The following FAM163A variants were observed in gnomAD, a reference collection of about 807,000 sequenced individuals.
The protein encoded by FAM163A is family with sequence similarity 163 member A.
FAM163A carries 7 observed loss-of-function variants against 12.0 expected under a neutral mutation model. The observed-to-expected ratio is 0.58, with a 90% CI of 0.33 to 1.10. The LOEUF (loss-of-function observed/expected upper bound fraction) is 1.10. Among genes scored for constraint, FAM163A ranks in the 50% least tolerant of loss-of-function variants. FAM163A has a pLI of 0.03. For synonymous variants in FAM163A, 101 were observed against 91.0 expected, an observed-to-expected ratio of 1.11 and a Z score of -0.62; for missense variants, 202 against 218.6, an observed-to-expected ratio of 0.92 and a Z score of 0.48.
chr1:179,813,112 G>A lies in FAM163A; in HGVS notation c.15G>A (p.Thr5=). Residue 5 remains threonine (T), a synonymous_variant, in exon 4 of 5, where the codon ACG becomes ACA. Transcript: ENST00000341785. ...GCGCCGGGCGGATGACAGCGGGAAC[G>A]GTTGTGATCACTGGCGGAATCCTAG... is the stretch of plus-strand genomic sequence containing the variant. The part of the protein sequence containing the change: MTAG[T]VVITGGILAT... 1.3e-6 allele frequency: 2 copies of A among 1,551,854 alleles called. No homozygotes were observed. The highest frequency in any genetic ancestry group is 1.7e-6 in the Non-Finnish European group (2 of 1,147,048).
chr1:179,760,800 A>G (rs1686710239), intron 1 of FAM163A, among the ~76,000 whole-genome samples: 1 of 152,202 alleles, frequency 6.6e-6, no homozygotes, highest in South Asian at 2.1e-4. Flanking sequence ...TAAAGTCTAC[A>G]ACTGCTTAAG....
At chr1:179,787,191 T>C (rs1187207489) in intron 1 of FAM163A, among the ~76,000 whole-genome samples, 1 of 152,204 alleles carries the variant, frequency 6.6e-6, no homozygotes, top group Non-Finnish European at 1.5e-5. Context: ...CTAAGCAATC[T>C]CTTTAGCCCG....
intron 1 of FAM163A, among the ~76,000 whole-genome samples, chr1:179,749,369 AATAATGGTGGCT>A (rs964828186): frequency 6.6e-6 from 1 of 152,216 alleles, no homozygotes; most frequent in African/African-American, 2.4e-5. Flanking sequence ...GTGCTCAATA[AATAATGGTGGCT>A]ATAATGAATA....
the FAM163A span, among the ~76,000 whole-genome samples, chr1:179,736,051 G>T: frequency 6.6e-6 from 1 of 152,156 alleles, no homozygotes; most frequent in Non-Finnish European, 1.5e-5. Context: ...AAAGGCTGAA[G>T]TGTAAGACCT....
At chr1:179,759,732 T>A (rs35482473) in intron 1 of FAM163A, among the ~76,000 whole-genome samples, 68,712 of 151,582 alleles carry the variant, frequency 0.45, 15,684 homozygotes, top group East Asian at 0.65. Flanking sequence ...GGCGGCACAA[T>A]GTTGTCTCAC....
At chr1:179,755,590 A>G (rs1324227208) in intron 1 of FAM163A, among the ~76,000 whole-genome samples, 1 of 152,176 alleles carries the variant, frequency 6.6e-6, no homozygotes, top group Non-Finnish European at 1.5e-5. Context: ...ACAGGCCTCA[A>G]AGGAATGAGG....
intron 1 of FAM163A, among the ~76,000 whole-genome samples, chr1:179,774,061 C>T (rs1170894743): frequency 6.6e-6 from 1 of 152,180 alleles, no homozygotes; most frequent in East Asian, 1.9e-4. Flanking sequence ...CATCTTTGTC[C>T]ATGTTCTGGA....
At chr1:179,754,272 A>G (rs1052421331) in intron 1 of FAM163A, among the ~76,000 whole-genome samples, 1 of 152,082 alleles carries the variant, frequency 6.6e-6, no homozygotes, top group Non-Finnish European at 1.5e-5. Flanking sequence ...GAAGAGGTTT[A>G]AGTAATTTAA....
At chr1:179,744,256 C>T (rs1460984248) in intron 1 of FAM163A, among the ~76,000 whole-genome samples, 1 of 152,122 alleles carries the variant, frequency 6.6e-6, no homozygotes, top group Admixed American at 6.5e-5. Context: ...CGACCGCACT[C>T]CGATTCCAGA....
At chr1:179,803,548 GC>G (rs1200134438) in intron 1 of FAM163A, among the ~76,000 whole-genome samples, 1 of 152,078 alleles carries the variant, frequency 6.6e-6, no homozygotes, top group Admixed American at 6.6e-5. Flanking sequence ...TAGACAAATG[GC>G]CTTTAAGGCC....
intron 1 of FAM163A, among the ~76,000 whole-genome samples, chr1:179,747,742 A>C: frequency 6.6e-6 from 1 of 152,236 alleles, no homozygotes; most frequent in African/African-American, 2.4e-5. Flanking sequence ...GTTTTGGGTT[A>C]TAACAGTATG....
chr1:179,728,609 G>A, the FAM163A span, among the ~76,000 whole-genome samples: 1 of 152,162 alleles, frequency 6.6e-6, no homozygotes, highest in South Asian at 2.1e-4. Flanking sequence ...ATCTCCCTGT[G>A]ATAATTTGGG....
chr1:179,756,774 C>T (rs1010629569), intron 1 of FAM163A, among the ~76,000 whole-genome samples: 2 of 151,982 alleles, frequency 1.3e-5, no homozygotes, highest in East Asian at 3.8e-4. Flanking sequence ...AGGGAGGGAA[C>T]AGGAAGTAAG....
intron 1 of FAM163A, among the ~76,000 whole-genome samples, chr1:179,766,764 T>TG (rs1687557646): frequency 6.6e-6 from 1 of 151,672 alleles, no homozygotes; most frequent in African/African-American, 2.4e-5. Context: ...TTTTTTTTTT[T>TG]TCGGTTTGGA....
At chr1:179,771,179 CAAGG>C (rs1688228114) in intron 1 of FAM163A, among the ~76,000 whole-genome samples, 1 of 152,154 alleles carries the variant, frequency 6.6e-6, no homozygotes, top group South Asian at 2.1e-4. Flanking sequence ...CCCCCATTGT[CAAGG>C]GAGCTGCCCA....
chr1:179,773,398 A>G (rs1688524818), intron 1 of FAM163A, among the ~76,000 whole-genome samples: 1 of 152,206 alleles, frequency 6.6e-6, no homozygotes, highest in Non-Finnish European at 1.5e-5. Flanking sequence ...GAGAAATCCA[A>G]ATGTCACTAG....
intron 1 of FAM163A, among the ~76,000 whole-genome samples, chr1:179,798,253 A>T (rs1692648902): frequency 6.6e-6 from 1 of 152,084 alleles, no homozygotes; most frequent in African/African-American, 2.4e-5. Context: ...ATGTGTTTAG[A>T]TGTGAATGTT....
intron 1 of FAM163A, among the ~76,000 whole-genome samples, chr1:179,789,325 G>A (rs2148234830): frequency 6.6e-6 from 1 of 152,206 alleles, no homozygotes; most frequent in South Asian, 2.1e-4. Flanking sequence ...GGGATTACAG[G>A]CACCTGCCAC....
intron 1 of FAM163A, among the ~76,000 whole-genome samples, chr1:179,744,830 T>A (rs377502739): frequency 6.6e-6 from 1 of 152,198 alleles, no homozygotes; most frequent in African/African-American, 2.4e-5. Context: ...GTGTCCTGCT[T>A]GGTCCTCTAG....
Sources: allele counts gnomAD v4.1 joint callset (sites outside exome capture counted in the v4.1 genomes callset), GRCh38; gene constraint gnomAD v4.1.1; transcripts MANE v1.5; gene names NCBI Gene and HGNC (gene_info 2026-07-23, HGNC 2026-07-21).